The following TMEM161B variants were observed in gnomAD, a reference collection of about 807,000 sequenced individuals.
The protein encoded by TMEM161B is transmembrane protein 161B.
In TMEM161B, 34 loss-of-function variants were observed where a neutral mutation model predicts 61.8. That is an observed-to-expected ratio of 0.55 (90% confidence interval 0.42 to 0.73). TMEM161B has a LOEUF of 0.73. TMEM161B is among the 30% of genes least tolerant of loss of function. The probability of loss-of-function intolerance (pLI) is 0.00; values close to 1 mark genes in which losing one functional copy is unlikely to be tolerated. For synonymous variants in TMEM161B, 167 were observed against 192.8 expected (o/e 0.87, Z 1.11); for missense variants, 456 against 558.5 (o/e 0.82, Z 1.85).
At chr5:88,263,835 A>G (rs1272921007) in intron 1 of TMEM161B, among the ~76,000 whole-genome samples, 2 of 152,242 alleles carry the variant, frequency 1.3e-5, no homozygotes, top group Non-Finnish European at 2.9e-5. Context: ...ATATTAACCA[A>G]GAGAAAAGTC....
At chr5:88,261,730 C>CAAAAAAAAA (rs70996464) in intron 1 of TMEM161B, among the ~76,000 whole-genome samples, 2 of 49,306 alleles carry the variant, frequency 4.1e-5, no homozygotes, top group Non-Finnish European at 7.0e-5. Flanking sequence ...CATTCATGTG[C>CAAAAAAAAA]AAAAAAAAAA....
At chr5:88,210,921 G>GA (rs1746591187) in intron 5 of TMEM161B, among the ~76,000 whole-genome samples, 1 of 152,138 alleles carries the variant, frequency 6.6e-6, no homozygotes, top group Non-Finnish European at 1.5e-5. Context: ...CATTTTCTAT[G>GA]AAAGACCAGA....
intron 3 of TMEM161B, among the ~76,000 whole-genome samples, chr5:88,226,383 T>C (rs2112566192): frequency 6.6e-6 from 1 of 152,306 alleles, no homozygotes; most frequent in East Asian, 1.9e-4. Flanking sequence ...GGAAAACAAA[T>C]TCTTCCGGTG....
chr5:88,243,705 C>A (rs1753128305), intron 1 of TMEM161B, among the ~76,000 whole-genome samples: 1 of 151,890 alleles, frequency 6.6e-6, no homozygotes, highest in Non-Finnish European at 1.5e-5. Flanking sequence ...AATTTGCATT[C>A]CCACCAGCAG....
At position 88,264,931 on chromosome 5, in the gene TMEM161B, CAG is replaced by C. The variant is rs371868291; in HGVS notation, c.3+3788_3+3789del. Among the ~76,000 whole-genome samples the C allele has an allele frequency of 2.5e-3, 382 of 150,456 alleles. 2 individuals carry two copies. Among genetic ancestry groups the C allele is most frequent in the African/African-American group, 9.0e-3 (368 of 40,866 alleles). On this transcript the variant is annotated intron_variant, in intron 1 of 11. Coordinates refer to ENST00000296595, the MANE Select transcript of TMEM161B (RefSeq NM_153354.5). ...GGTAACATCACACACTGCGGCCTGTCAGGGGGTGGGGGGCAAGGGGAGGGAGA... is the reference window on the plus strand; with the variant it reads ...GGTAACATCACACACTGCGGCCTGTCGGGGTGGGGGGCAAGGGGAGGGAGA...
intron 8 of TMEM161B, among the ~76,000 whole-genome samples, chr5:88,205,207 T>C (rs1745221866): frequency 6.6e-6 from 1 of 152,174 alleles, no homozygotes; most frequent in African/African-American, 2.4e-5. Flanking sequence ...AGATGAAATG[T>C]GACTTGTCCA....
At chr5:88,261,390 A>G (rs3099438) in intron 1 of TMEM161B, among the ~76,000 whole-genome samples, 65,851 of 151,558 alleles carry the variant, frequency 0.43, 15,912 homozygotes, top group East Asian at 0.64. Context: ...AAGTTATTTT[A>G]AGGGTATCAA....
chr5:88,239,186 C>T (rs966141575), intron 2 of TMEM161B, among the ~76,000 whole-genome samples: 3 of 151,890 alleles, frequency 2.0e-5, no homozygotes, highest in African/African-American at 7.2e-5. Flanking sequence ...CTTTAGTTTT[C>T]ACTAGTGAGT....
downstream of TMEM161B, among the ~76,000 whole-genome samples, chr5:88,185,821 G>A (rs752389132): frequency 6.4e-4 from 97 of 152,122 alleles, no homozygotes; most frequent in Non-Finnish European, 1.2e-3. Flanking sequence ...GGAAAAAAAT[G>A]AACAGAGCAA....
At chr5:88,264,735 C>T (rs1055801030) in intron 1 of TMEM161B, among the ~76,000 whole-genome samples, 2 of 152,172 alleles carry the variant, frequency 1.3e-5, no homozygotes, top group Non-Finnish European at 2.9e-5. Context: ...GGCACATATA[C>T]ACCATGGAAT....
At chr5:88,221,007 A>G (rs1353512255) in intron 4 of TMEM161B, among the ~76,000 whole-genome samples, 3 of 152,190 alleles carry the variant, frequency 2.0e-5, no homozygotes, top group Non-Finnish European at 2.9e-5. Context: ...ATTTACTGGT[A>G]TTGTCTTAAC....
chr5:88,187,811 G>T (rs1401869535), downstream of TMEM161B, among the ~76,000 whole-genome samples: 1 of 151,958 alleles, frequency 6.6e-6, no homozygotes, highest in African/African-American at 2.4e-5. Flanking sequence ...TATTTCATTG[G>T]TTTTTGCTGA....
chr5:88,236,911 A>G (rs1010520167), intron 2 of TMEM161B, among the ~76,000 whole-genome samples: 1 of 152,180 alleles, frequency 6.6e-6, no homozygotes, highest in African/African-American at 2.4e-5. Context: ...TAAACTGCCA[A>G]CAAAAGTCAC....
chr5:88,262,963 T>A (rs1205876583), intron 1 of TMEM161B, among the ~76,000 whole-genome samples: 2 of 152,186 alleles, frequency 1.3e-5, no homozygotes, highest in Non-Finnish European at 2.9e-5. Context: ...TGAAATTTCA[T>A]ATAATCGATT....
At chr5:88,189,823 G>A (rs1444764727) in exon 13 of TMEM161B, 2 of 513,584 alleles carry the variant, frequency 3.9e-6, no homozygotes, top group Admixed American at 3.2e-5. Flanking sequence ...AATACCATAG[G>A]GAGAGCCTGT....
chr5:88,199,099 C>G lies in TMEM161B; in HGVS notation c.966G>C (p.Leu322=). ...DTLRLWLIIL[L]CALRLAMMRS... is the part of the protein sequence containing the mutation. ...GCATCATGGCCAACCGCAAAGCACA[C>G]AGCAGGATTATTAACCAGAGTCGCA... is the stretch of plus-strand genomic sequence containing the variant. The change falls in exon 10 of 12, where the codon CTG becomes CTC. Residue 322 remains leucine (L), a synonymous_variant. Coordinates refer to ENST00000296595, the MANE Select transcript of TMEM161B (RefSeq NM_153354.5). The G allele has an allele frequency of 1.9e-6, 3 of 1,612,910 alleles. 1 individual carries two copies. The South Asian group carries it at 3.3e-5, about 18-fold the overall frequency.
chr5:88,199,040 T>G lies in TMEM161B; in HGVS notation c.1025A>C (p.Gln342Pro), dbSNP rs1350975763. 5 of 1,613,210 alleles carry G rather than the reference T, an allele frequency of 3.1e-6. No homozygotes were observed. Among genetic ancestry groups the G allele is most frequent in the Non-Finnish European group, 3.4e-6 (4 of 1,179,484 alleles). The stretch of plus-strand genomic sequence containing the variant: ...TTTCTTCATCTGATCCACACATTTT[T>G]GGGCTAAATTTAAATAAGCTTGCAG... ...SHLQAYLNLAQKCVDQMKKEA... is the reference protein window; with the variant it reads ...SHLQAYLNLAPKCVDQMKKEA... Residue 342 changes from glutamine to proline, a missense_variant, in exon 10 of 12, where the codon CAA becomes CCA. Gln to Pro is a moderately conservative substitution (Grantham distance 76). Around this residue, in one of 3 missense-constraint regions of TMEM161B, gnomAD observed 367 missense variants for 427.3 expected, o/e 0.86. Transcript: ENST00000296595.
intron 1 of TMEM161B, among the ~76,000 whole-genome samples, chr5:88,256,365 G>C (rs1317735646): frequency 6.6e-6 from 1 of 152,100 alleles, no homozygotes; most frequent in African/African-American, 2.4e-5. Context: ...ACAAATAAAA[G>C]GTTCAATGGA....
At chr5:88,258,176 C>T (rs1755231604) in intron 1 of TMEM161B, among the ~76,000 whole-genome samples, 2 of 152,268 alleles carry the variant, frequency 1.3e-5, no homozygotes, top group Admixed American at 6.5e-5. Context: ...ACCTGCAGTA[C>T]AATGAATGTT....
Sources: gnomAD v4.1 joint callset for allele counts (sites outside exome capture counted in the v4.1 genomes callset) on GRCh38, gnomAD v4.1.1 for gene constraint, gnomAD v4.1.1 regional missense constraint, MANE v1.5 for transcripts, NCBI Gene and HGNC (gene_info 2026-07-23, HGNC 2026-07-21) for gene names.